Variants in IL12RB2 observed in about 807,000 individuals in gnomAD.
IL12RB2 encodes the protein interleukin 12 receptor subunit beta 2, also known as interleukin-12 receptor subunit beta-2.
In IL12RB2, 82 loss-of-function variants were observed where a neutral mutation model predicts 89.4. That is an observed-to-expected ratio of 0.92 (90% CI 0.77 to 1.10). The LOEUF is 1.10. Among genes scored for constraint, IL12RB2 ranks in the 50% least tolerant of loss-of-function variants. The probability of loss-of-function intolerance (pLI) is 0.00; values close to 1 mark genes in which losing one functional copy is unlikely to be tolerated. For synonymous variants in IL12RB2, 368 were observed against 370.1 expected (o/e 0.99, Z 0.07); for missense variants, 963 against 1,031.9 (o/e 0.93, Z 0.92).
intron 9 of IL12RB2, among the ~76,000 whole-genome samples, chr1:67,344,976 A>C (rs1412048386): frequency 6.6e-6 from 1 of 152,096 alleles, no homozygotes; most frequent in Non-Finnish European, 1.5e-5. Flanking sequence ...TGAGGTCAGG[A>C]GTTCAAGAGC....
chr1:67,393,389 T>C (rs1666034508), intron 16 of IL12RB2, among the ~76,000 whole-genome samples: 2 of 152,172 alleles, frequency 1.3e-5, no homozygotes, highest in Admixed American at 1.3e-4. Context: ...GGGCCCGCTT[T>C]GTAAAAGCCG....
At chr1:67,362,567 C>G (rs538738765) in intron 10 of IL12RB2, among the ~76,000 whole-genome samples, 1 of 111,874 alleles carries the variant, frequency 8.9e-6, no homozygotes, top group African/African-American at 3.4e-5. Flanking sequence ...AGCGAGACTC[C>G]GTCTCAAAAA....
At chr1:67,338,154 G>T in intron 8 of IL12RB2, among the ~76,000 whole-genome samples, 1 of 150,902 alleles carries the variant, frequency 6.6e-6, no homozygotes, top group South Asian at 2.1e-4. Flanking sequence ...CATGATGAAA[G>T]CCTGTCTGTA....
At chr1:67,358,976 T>C (rs886859493) in intron 10 of IL12RB2, among the ~76,000 whole-genome samples, 2 of 151,858 alleles carry the variant, frequency 1.3e-5, no homozygotes, top group African/African-American at 4.8e-5. Flanking sequence ...ACCCCGTCTC[T>C]ACAAAAATAC....
At chr1:67,377,826 C>T (rs1570143347) in intron 13 of IL12RB2, among the ~76,000 whole-genome samples, 1 of 152,006 alleles carries the variant, frequency 6.6e-6, no homozygotes, top group Admixed American at 6.6e-5. Flanking sequence ...AAATGAACCT[C>T]AAAACCCACT....
At chr1:67,393,439 T>C (rs1666042019) in intron 16 of IL12RB2, among the ~76,000 whole-genome samples, 1 of 152,212 alleles carries the variant, frequency 6.6e-6, no homozygotes, top group Admixed American at 6.5e-5. Flanking sequence ...ACACCTCACC[T>C]TGTGAAAACG....
intron 9 of IL12RB2, among the ~76,000 whole-genome samples, chr1:67,344,321 C>T (rs1292488661): frequency 2.0e-5 from 3 of 152,136 alleles, no homozygotes; most frequent in Non-Finnish European, 4.4e-5. Flanking sequence ...GAGATAGAGT[C>T]TCCCTCTGTG....
chr1:67,396,076 C>G lies in IL12RB2; in HGVS notation c.2576C>G (p.Ser859Cys). The change falls in exon 17 of 17, where the codon TCC (serine) becomes TGC (cysteine). Residue 859 changes from serine to cysteine, a missense_variant. Physicochemically the swap from Ser to Cys is moderately radical, Grantham distance 112. Coordinates refer to ENST00000674203, the MANE Select transcript of IL12RB2 (RefSeq NM_001374259.2). ...TLDQLKMRCD[S>C]LML Reference sequence around the variant, plus strand: ...GATCAGTTAAAGATGAGGTGTGACTCCCTCATGCTCTGAGTGGTGAGGCTT... The same window carrying G: ...GATCAGTTAAAGATGAGGTGTGACTGCCTCATGCTCTGAGTGGTGAGGCTT... 1 of 1,591,244 alleles carries G rather than the reference C, an allele frequency of 6.3e-7. No homozygotes were observed. The highest frequency in any genetic ancestry group is 1.7e-5 in the Admixed American group (1 of 59,992).
intron 13 of IL12RB2, among the ~76,000 whole-genome samples, chr1:67,376,543 A>G (rs78184150): frequency 1.3e-3 from 202 of 152,274 alleles, no homozygotes; most frequent in Middle Eastern, 3.4e-3. Context: ...TATCTCTGCC[A>G]GAGATCACAG....
At chr1:67,336,710 G>A (rs1026772965) in intron 8 of IL12RB2, among the ~76,000 whole-genome samples, 3 of 152,220 alleles carry the variant, frequency 2.0e-5, no homozygotes, top group African/African-American at 4.8e-5. Context: ...TGGAAGTATC[G>A]CAGAGAAACC....
chr1:67,341,442 G>C (rs192280852), intron 9 of IL12RB2, among the ~76,000 whole-genome samples: 89 of 150,100 alleles, frequency 5.9e-4, no homozygotes, highest in Non-Finnish European at 1.1e-3. Context: ...AAGGAAGGAA[G>C]GATGGAAGAG....
intron 9 of IL12RB2, among the ~76,000 whole-genome samples, chr1:67,345,082 A>T (rs1342481080): frequency 1.3e-5 from 2 of 152,142 alleles, no homozygotes; most frequent in Non-Finnish European, 2.9e-5. Flanking sequence ...GAGGCAGGAG[A>T]ATCACTTGAA....
intron 1 of IL12RB2, among the ~76,000 whole-genome samples, chr1:67,312,308 C>A (rs1019777260): frequency 1.3e-5 from 2 of 152,156 alleles, no homozygotes; most frequent in African/African-American, 2.4e-5. Flanking sequence ...TTATTGAACA[C>A]TTGCCATGAA....
chr1:67,307,382 G>A (rs906655067), upstream of IL12RB2: 1 of 152,348 alleles, frequency 6.6e-6, no homozygotes, highest in Non-Finnish European at 1.5e-5. Context: ...ACAGAGAAAG[G>A]ACATCTGCGA....
rs755471388 is a variant in IL12RB2, at chr1:67,386,208, CAAAAAAAAAAA to C, written c.1856-357_1856-347del. On this transcript the variant is annotated intron_variant, in intron 14 of 16. Transcript: ENST00000674203. The stretch of plus-strand genomic sequence containing the variant: ...TGGGAGACACAGTGAGACTCCATCT[CAAAAAAAAAAA>C]AAAAAAAAAAAAAGAAGGAAATAAA... Among the ~76,000 whole-genome samples, 407 of 54,598 alleles carry C rather than the reference CAAAAAAAAAAA, an allele frequency of 7.5e-3. 2 individuals carry two copies. The highest frequency in any genetic ancestry group is 0.03 in the African/African-American group (380 of 12,822). The allele number at this position is 54,598 out of a possible 152,430, so 35.8% of individuals were successfully genotyped here.
At chr1:67,360,553 T>C (rs1246086206) in intron 10 of IL12RB2, among the ~76,000 whole-genome samples, 1 of 152,032 alleles carries the variant, frequency 6.6e-6, no homozygotes, top group Non-Finnish European at 1.5e-5. Context: ...TCCAGCACTT[T>C]GGGAGGCCAA....
intron 14 of IL12RB2, 104 bp downstream of exon 14, chr1:67,380,227 T>A: frequency 7.9e-7 from 1 of 1,265,538 alleles, no homozygotes; most frequent in Non-Finnish European, 1.1e-6. Context: ...TTTAATTCAC[T>A]AAAAACTTTC....
At chr1:67,391,878 C>G (rs1259914210) in intron 16 of IL12RB2, among the ~76,000 whole-genome samples, 1 of 152,048 alleles carries the variant, frequency 6.6e-6, no homozygotes, top group Non-Finnish European at 1.5e-5. Context: ...CTCCTGACCT[C>G]GTGATCCACC....
chr1:67,374,127 C>T (rs1163837052), intron 13 of IL12RB2, among the ~76,000 whole-genome samples: 1 of 152,154 alleles, frequency 6.6e-6, no homozygotes, highest in Admixed American at 6.5e-5. Flanking sequence ...TGATCTACAC[C>T]TTGCTTTTAC....
Sources: allele counts gnomAD v4.1 joint callset (sites outside exome capture counted in the v4.1 genomes callset), GRCh38; gene constraint gnomAD v4.1.1; transcripts MANE v1.5; gene names NCBI Gene and HGNC (gene_info 2026-07-23, HGNC 2026-07-21).